Variants in PHACTR2 observed in about 807,000 individuals in gnomAD.
PHACTR2 encodes phosphatase and actin regulator 2.
A neutral mutation model predicts 76.0 loss-of-function variants in PHACTR2; 30 were observed. That is an observed-to-expected ratio of 0.39 (90% CI 0.30 to 0.54). The LOEUF is 0.54. Ranked by LOEUF, PHACTR2 falls within the 20% of genes least tolerant of loss-of-function variation. The pLI is 0.61. For missense variants in PHACTR2, 696 were observed against 781.1 expected (o/e 0.89, Z 1.30); for synonymous variants, 292 against 292.5 (o/e 1.00, Z 0.02).
chr6:143,628,789 A>G (rs1776303556), intron 1 of PHACTR2, among the ~76,000 whole-genome samples: 1 of 151,270 alleles, frequency 6.6e-6, no homozygotes, highest in African/African-American at 2.4e-5. Flanking sequence ...TGTTTACCCT[A>G]CCCATGGTCT....
At position 143,809,379 on chromosome 6, in the gene PHACTR2, G is replaced by T. The variant is rs1776129350; in HGVS notation, c.1922+2246G>T. Among the ~76,000 whole-genome samples, 1 of 151,792 alleles carries T rather than the reference G, an allele frequency of 6.6e-6. No homozygotes were observed. The highest frequency in any genetic ancestry group is 1.5e-5 in the Non-Finnish European group (1 of 67,926). ...TTTTTGTTTTTTTGTTTGTTTGTTT[G>T]TTTGTTTTTTTAGTAGAGATGAGGT... On this transcript the variant is annotated intron_variant, in intron 12 of 12. Transcript: ENST00000440869. This position sits in a 1 kb window ranked among gnomAD's most constrained non-coding sequence, Gnocchi z 4.2.
intron 1 of PHACTR2, among the ~76,000 whole-genome samples, chr6:143,687,551 A>G (rs1188021410): frequency 6.6e-6 from 1 of 152,254 alleles, no homozygotes; most frequent in Non-Finnish European, 1.5e-5. Context: ...CCACAAAAGC[A>G]GGGGAACAAA....
intron 2 of PHACTR2, among the ~76,000 whole-genome samples, chr6:143,726,353 A>T (rs1353631727): frequency 1.3e-5 from 2 of 152,160 alleles, no homozygotes; most frequent in Admixed American, 1.3e-4. Flanking sequence ...TGTTCAATAT[A>T]TTTACATTGT....
intron 11 of PHACTR2, among the ~76,000 whole-genome samples, chr6:143,802,139 C>T (rs892824039): frequency 6.6e-6 from 1 of 152,170 alleles, no homozygotes; most frequent in East Asian, 1.9e-4. Flanking sequence ...TTTCCTTTTT[C>T]CTCTCTATAA....
In PHACTR2 at chr6:143,611,747, G is replaced by A. The variant is rs566347706; in HGVS notation, c.13+3425G>A. 1.2e-4 allele frequency among the ~76,000 whole-genome samples: 19 copies of A among 152,326 alleles called. 2 individuals carry two copies. The South Asian group carries it at 3.9e-3, about 32-fold the overall frequency. On this transcript the variant is annotated intron_variant, in intron 1 of 11. Coordinates refer to the PHACTR2 transcript ENST00000305766. The surrounding 1 kb of genome is among the most constrained non-coding windows in gnomAD (Gnocchi z 4.4). ...ATGCTCCAGCAGCGTGGCTCTGAAAGTGGTGTGGATGACAGTGTGGGAAAG... is the reference window on the plus strand; with the variant it reads ...ATGCTCCAGCAGCGTGGCTCTGAAAATGGTGTGGATGACAGTGTGGGAAAG...
chr6:143,727,888 C>T (rs1188415574), intron 2 of PHACTR2, among the ~76,000 whole-genome samples: 1 of 152,152 alleles, frequency 6.6e-6, no homozygotes, highest in Admixed American at 6.5e-5. Flanking sequence ...TAACATAATG[C>T]TGAATGGGGA....
chr6:143,590,631 A>G (rs1203223864), intron 1 of PHACTR2, among the ~76,000 whole-genome samples: 1 of 152,048 alleles, frequency 6.6e-6, no homozygotes, highest in Non-Finnish European at 1.5e-5. Context: ...AACACCATTC[A>G]GTGCAATTTT....
chr6:143,600,185 C>G (rs1364083729), intron 1 of PHACTR2, among the ~76,000 whole-genome samples: 1 of 152,216 alleles, frequency 6.6e-6, no homozygotes, highest in Non-Finnish European at 1.5e-5. Context: ...CATCATATTT[C>G]CAACTAACTG....
intron 1 of PHACTR2, among the ~76,000 whole-genome samples, chr6:143,644,337 G>T (rs992117660): frequency 6.6e-6 from 1 of 151,838 alleles, no homozygotes; most frequent in Non-Finnish European, 1.5e-5. Context: ...GCATGGTGGC[G>T]GGCGCTTGTA....
intron 2 of PHACTR2, among the ~76,000 whole-genome samples, chr6:143,718,362 A>G (rs1778349435): frequency 6.6e-6 from 1 of 152,220 alleles, no homozygotes; most frequent in South Asian, 2.1e-4. Context: ...TGGGGCTAGA[A>G]CATTCAGATG....
At position 143,695,875 on chromosome 6, in the gene PHACTR2, C is replaced by G. The variant is rs1372232593; in HGVS notation, c.47-16141C>G. Among the ~76,000 whole-genome samples, 3 of 152,224 alleles carry G rather than the reference C, an allele frequency of 2.0e-5. No homozygotes were observed. Among genetic ancestry groups the G allele is most frequent in the Non-Finnish European group, 2.9e-5 (2 of 68,032 alleles). ...GTGTTTAGCAGCCGTAGCAACACAT[C>G]TTATACGGTGCAGGATTTTTAAAAA... is the stretch of plus-strand genomic sequence containing the variant. On this transcript the variant is annotated intron_variant, in intron 1 of 12. Transcript: ENST00000440869. The surrounding 1 kb of genome is among the most constrained non-coding windows in gnomAD (Gnocchi z 4.4).
chr6:143,636,885 GTACCT>G (rs1304144985), intron 1 of PHACTR2, among the ~76,000 whole-genome samples: 2 of 152,174 alleles, frequency 1.3e-5, no homozygotes, highest in Non-Finnish European at 2.9e-5. Flanking sequence ...TCATATCTTA[GTACCT>G]TTCTCATGTA....
chr6:143,722,785 G>A lies in PHACTR2; in HGVS notation c.214+10602G>A, dbSNP rs1778473684. On this transcript the variant is annotated intron_variant, in intron 2 of 12. Coordinates refer to ENST00000440869, the MANE Select transcript of PHACTR2 (RefSeq NM_001100164.2). This position sits in a 1 kb window ranked among gnomAD's most constrained non-coding sequence, Gnocchi z 4.1. ...CTACCCTTCCCAGCTTCTGGTAACTGTCGTTCTACTCTATCTCCATGAGTT... is the reference window on the plus strand; with the variant it reads ...CTACCCTTCCCAGCTTCTGGTAACTATCGTTCTACTCTATCTCCATGAGTT... Among the ~76,000 whole-genome samples, 1 of 152,062 alleles carries A rather than the reference G, an allele frequency of 6.6e-6. No individual in the cohort carries two copies. The highest frequency in any genetic ancestry group is 2.1e-4 in the South Asian group (1 of 4,822).
intron 10 of PHACTR2, among the ~76,000 whole-genome samples, chr6:143,786,270 C>T (rs1369727616): frequency 2.0e-5 from 3 of 152,190 alleles, no homozygotes; most frequent in Non-Finnish European, 4.4e-5. Flanking sequence ...AAAATGCCGC[C>T]ATTCTTTTTG....
chr6:143,753,906 A>G lies in PHACTR2; in HGVS notation c.448A>G (p.Lys150Glu). 1 of 1,598,130 alleles carries G rather than the reference A, an allele frequency of 6.3e-7. No homozygotes were observed. Among genetic ancestry groups the G allele is most frequent in the Non-Finnish European group, 8.5e-7 (1 of 1,175,382 alleles). Residue 150 changes from lysine (K) to glutamate (E), a missense_variant, in exon 4 of 13, where the codon AAG becomes GAG. Lys to Glu is a moderately conservative substitution (Grantham distance 56, BLOSUM62 1). Coordinates refer to ENST00000440869, the MANE Select transcript of PHACTR2 (RefSeq NM_001100164.2). The surrounding 1 kb of genome is among the most constrained non-coding windows in gnomAD (Gnocchi z 4.6). ...TPPLEEQAED[K>E]KENTENHSET... ...ACCTCTGGAGGAACAGGCAGAAGAT[A>G]AGAAAGGTAAAATAAAGACAAACCC...
chr6:143,668,602 G>T (rs1301923883), intron 1 of PHACTR2, among the ~76,000 whole-genome samples: 3 of 152,108 alleles, frequency 2.0e-5, no homozygotes, highest in Non-Finnish European at 4.4e-5. Flanking sequence ...GTTTAGTCTT[G>T]GGAGGATGTA....
intron 11 of PHACTR2, among the ~76,000 whole-genome samples, chr6:143,802,647 C>A (rs1313416707): frequency 1.1e-3 from 99 of 90,038 alleles, no homozygotes; most frequent in East Asian, 2.3e-3. Flanking sequence ...GACCCTGTCT[C>A]AAAAAAAAAA....
chr6:143,686,481 C>CTTTTTTTTTTT (rs71024870), intron 1 of PHACTR2, among the ~76,000 whole-genome samples: 5 of 83,990 alleles, frequency 6.0e-5, no homozygotes, highest in East Asian at 4.2e-4. Context: ...GAACTTCATT[C>CTTTTTTTTTTT]TTTTTTTTTT....
chr6:143,636,449 G>C (rs1776457155), intron 1 of PHACTR2, among the ~76,000 whole-genome samples: 1 of 152,008 alleles, frequency 6.6e-6, no homozygotes, highest in Non-Finnish European at 1.5e-5. Context: ...TACACGTTGA[G>C]ACCTATTTCT....
Sources: gnomAD v4.1 joint callset for allele counts (sites outside exome capture counted in the v4.1 genomes callset) on GRCh38, gnomAD v4.1.1 for gene constraint, Gnocchi (gnomAD v3.1) non-coding constraint, MANE v1.5 for transcripts, NCBI Gene and HGNC (gene_info 2026-07-23, HGNC 2026-07-21) for gene names.